Variants in MGAT4C observed in about 807,000 individuals in gnomAD.
MGAT4C encodes MGAT4 family member C, also known as alpha-1,3-mannosyl-glycoprotein 4-beta-N-acetylglucosaminyltransferase C.
MGAT4C carries 19 observed loss-of-function variants against 40.1 expected under a neutral mutation model. The ratio of observed to expected loss-of-function variants is 0.47; its 90% confidence interval spans 0.33 to 0.70. MGAT4C has a LOEUF of 0.70. MGAT4C is among the 30% of genes least tolerant of loss of function. MGAT4C has a pLI of 0.02. For missense variants in MGAT4C, 491 were observed against 563.2 expected, an observed-to-expected ratio of 0.87 and a Z score of 1.30; for synonymous variants, 181 against 187.1, an observed-to-expected ratio of 0.97 and a Z score of 0.27.
intron 2 of MGAT4C, among the ~76,000 whole-genome samples, chr12:86,597,872 A>G (rs950024541): frequency 7.2e-5 from 11 of 152,080 alleles, no homozygotes; most frequent in Admixed American, 5.9e-4. Context: ...TGTGATAACT[A>G]AACTCTTCCT....
intron 1 of MGAT4C, among the ~76,000 whole-genome samples, chr12:86,769,414 G>A (rs1951586080): frequency 1.3e-5 from 2 of 152,140 alleles, no homozygotes; most frequent in African/African-American, 4.8e-5. Flanking sequence ...TACACTGTTG[G>A]TGGGATTGTA....
chr12:86,461,403 GC>G (rs1422253320), intron 2 of MGAT4C, among the ~76,000 whole-genome samples: 4 of 151,806 alleles, frequency 2.6e-5, no homozygotes, highest in African/African-American at 9.7e-5. Context: ...CCGCCACCGC[GC>G]CCGGTTAATT....
intron 2 of MGAT4C, among the ~76,000 whole-genome samples, chr12:86,667,667 G>C (rs1349507689): frequency 6.6e-6 from 1 of 152,072 alleles, no homozygotes; most frequent in Non-Finnish European, 1.5e-5. Flanking sequence ...AATGAGTATG[G>C]CTATATTCCA....
At chr12:86,659,054 ACTT>A (rs1963918658) in intron 2 of MGAT4C, among the ~76,000 whole-genome samples, 1 of 152,056 alleles carries the variant, frequency 6.6e-6, no homozygotes, top group Non-Finnish European at 1.5e-5. Flanking sequence ...ATTGTCTTAA[ACTT>A]CTGAGATTTG....
At chr12:86,653,342 G>C (rs1427204488) in intron 2 of MGAT4C, among the ~76,000 whole-genome samples, 1 of 151,688 alleles carries the variant, frequency 6.6e-6, no homozygotes, top group Admixed American at 6.6e-5. Context: ...TTTTTCTACT[G>C]TTTGTCCAAT....
intron 4 of MGAT4C, among the ~76,000 whole-genome samples, chr12:86,314,371 A>G (rs980786876): frequency 6.6e-6 from 1 of 152,194 alleles, no homozygotes; most frequent in African/African-American, 2.4e-5. Flanking sequence ...CCTAGCCAAC[A>G]TGGTGAACTG....
intron 2 of MGAT4C, among the ~76,000 whole-genome samples, chr12:86,024,959 A>G (rs1485480337): frequency 6.6e-6 from 1 of 151,492 alleles, no homozygotes; most frequent in African/African-American, 2.4e-5. Context: ...ACCTTGTTAT[A>G]TTAACAACTA....
Position 86,363,944 on chromosome 12 carries a change from TC to T in MGAT4C, c.-119-29818del, listed in dbSNP as rs558328988. On this transcript the variant is annotated intron_variant, in intron 3 of 7. Coordinates refer to the MGAT4C transcript ENST00000548651. ...ATTTATTAAGAAAAAAATTACCAAA[TC>T]TCTTTCTCACTCTCTCTCTCTCTCT... 3.3e-3 allele frequency among the ~76,000 whole-genome samples: 466 copies of T among 141,666 alleles called. 1 individual carries two copies. Among genetic ancestry groups the T allele is most frequent in the South Asian group, 6.0e-3 (25 of 4,154 alleles). 92.9% of individuals were successfully genotyped at this position (141,666 alleles called of 152,430 possible).
At chr12:86,173,041 C>A (rs2135837676) in intron 1 of MGAT4C, among the ~76,000 whole-genome samples, 1 of 152,144 alleles carries the variant, frequency 6.6e-6, no homozygotes, top group East Asian at 1.9e-4. Context: ...TAAATGTTAG[C>A]TAGCAAAATC....
At chr12:86,438,022 A>G (rs1592847832) in intron 2 of MGAT4C, among the ~76,000 whole-genome samples, 1 of 152,056 alleles carries the variant, frequency 6.6e-6, no homozygotes, top group Non-Finnish European at 1.5e-5. Context: ...CTTGAAGTCA[A>G]ATGGTAGAAA....
intron 2 of MGAT4C, among the ~76,000 whole-genome samples, chr12:85,994,654 C>CA (rs1388116138): frequency 6.6e-6 from 1 of 151,272 alleles, no homozygotes; most frequent in Non-Finnish European, 1.5e-5. Context: ...AAACAAAAAA[C>CA]AAAAAAACAC....
rs1883416367 is a variant in MGAT4C at position 85,967,300 on chromosome 12, A to G, written c.*11989T>C. On this transcript the variant is annotated 3_prime_UTR_variant, in exon 5 of 5. Transcript: ENST00000611864. Reference sequence around the variant, plus strand: ...CTAAGAACAAGTTTCATTTCATCTCATGAAAAAAATGTTACTTTTTGTATT... The same window carrying G: ...CTAAGAACAAGTTTCATTTCATCTCGTGAAAAAAATGTTACTTTTTGTATT... The G allele has an allele frequency of 6.6e-6, 1 of 152,126 alleles. No individual in the cohort carries two copies. Among genetic ancestry groups the G allele is most frequent in the Non-Finnish European group, 1.5e-5 (1 of 68,026 alleles). The allele number at this position is 152,126 out of a possible 1,614,324, so 9.4% of individuals were successfully genotyped here.
chr12:86,073,997 C>T (rs1019012373), intron 1 of MGAT4C, among the ~76,000 whole-genome samples: 1 of 152,066 alleles, frequency 6.6e-6, no homozygotes, highest in Non-Finnish European at 1.5e-5. Context: ...TTGTACCTCC[C>T]AGAATTTTCA....
At chr12:86,765,579 T>C (rs1951490546) in intron 1 of MGAT4C, among the ~76,000 whole-genome samples, 1 of 151,822 alleles carries the variant, frequency 6.6e-6, no homozygotes, top group Non-Finnish European at 1.5e-5. Flanking sequence ...TTCACCAAAG[T>C]TGAAATGAAG....
At chr12:86,063,158 C>T (rs1001362587) in intron 1 of MGAT4C, among the ~76,000 whole-genome samples, 5 of 152,266 alleles carry the variant, frequency 3.3e-5, no homozygotes, top group Admixed American at 6.5e-5. Flanking sequence ...GGAAGCCCAT[C>T]AGACTAACAG....
chr12:86,498,878 A>G (rs1287435424), intron 2 of MGAT4C, among the ~76,000 whole-genome samples: 1 of 151,988 alleles, frequency 6.6e-6, no homozygotes, highest in Non-Finnish European at 1.5e-5. Flanking sequence ...AGAAATCACT[A>G]GTGATACTGG....
At chr12:86,693,527 C>T (rs1005431729) in intron 2 of MGAT4C, among the ~76,000 whole-genome samples, 15 of 151,980 alleles carry the variant, frequency 9.9e-5, no homozygotes, top group Admixed American at 9.8e-4. Flanking sequence ...TAAGTATTAG[C>T]TAATTAGCTT....
intron 2 of MGAT4C, among the ~76,000 whole-genome samples, chr12:86,655,698 T>C (rs540090802): frequency 6.6e-6 from 1 of 152,260 alleles, no homozygotes. Context: ...TAATAAACTA[T>C]GTATGCTTAC....
At chr12:86,436,344 A>G (rs1270908008) in intron 2 of MGAT4C, among the ~76,000 whole-genome samples, 1 of 151,838 alleles carries the variant, frequency 6.6e-6, no homozygotes, top group Non-Finnish European at 1.5e-5. Flanking sequence ...TATAATTCAG[A>G]GGATTATAGG....
Sources: allele counts gnomAD v4.1 joint callset (sites outside exome capture counted in the v4.1 genomes callset), GRCh38; gene constraint gnomAD v4.1.1; transcripts MANE v1.5; gene names NCBI Gene and HGNC (gene_info 2026-07-23, HGNC 2026-07-21).